Variants in C2orf76 observed in about 807,000 individuals in gnomAD.
The protein encoded by C2orf76 is UPF0538 protein C2orf76.
In C2orf76, 23 loss-of-function variants were observed where a neutral mutation model predicts 16.9. The observed-to-expected ratio is 1.36, with a 90% CI of 0.98 to 1.93. The LOEUF is 1.93. Among genes scored for constraint, C2orf76 ranks in the 30% most tolerant of loss-of-function variants. The pLI, the probability that C2orf76 is intolerant of heterozygous loss-of-function variation, is 0.00. For synonymous variants in C2orf76, 48 were observed against 52.3 expected, an observed-to-expected ratio of 0.92 and a Z score of 0.35; for missense variants, 152 against 152.6, an observed-to-expected ratio of 1.00 and a Z score of 0.02.
At chr2:119,290,865 A>G in the C2orf76 span, among the ~76,000 whole-genome samples, 46 of 152,250 alleles carry the variant, frequency 3.0e-4, 2 homozygotes, top group East Asian at 7.9e-3. Context: ...AATTTTAGGC[A>G]GTAGCAATTG....
At chr2:119,299,082 A>AT (rs79043476), downstream of C2orf76, among the ~76,000 whole-genome samples, 6,775 of 145,752 alleles carry the variant, frequency 0.046, 149 homozygotes, top group South Asian at 0.085. Flanking sequence ...CACCCAGCTA[A>AT]TTTTTTTTTT....
intron 4 of C2orf76, 75 bp downstream of exon 4, chr2:119,317,391 T>G: frequency 1.9e-6 from 2 of 1,075,494 alleles, no homozygotes; most frequent in Non-Finnish European, 2.7e-6. Flanking sequence ...TGTACATGTA[T>G]TCATTCACTT....
At chr2:119,335,477 A>G (rs1679819245) in intron 2 of C2orf76, among the ~76,000 whole-genome samples, 1 of 152,228 alleles carries the variant, frequency 6.6e-6, no homozygotes, top group Admixed American at 6.5e-5. Flanking sequence ...CTGAGGGCAT[A>G]TGTCAGAGGA....
chr2:119,294,759 G>A, the C2orf76 span, among the ~76,000 whole-genome samples: 7 of 152,162 alleles, frequency 4.6e-5, no homozygotes, highest in East Asian at 3.9e-4. Context: ...AGCCATGACC[G>A]ACAGCGTGGC....
At chr2:119,358,701 GC>G (rs1263642185) in intron 1 of C2orf76, among the ~76,000 whole-genome samples, 5 of 152,218 alleles carry the variant, frequency 3.3e-5, no homozygotes, top group Admixed American at 1.3e-4. Context: ...CCAGAGGAAG[GC>G]CCTAACACTC....
chr2:119,330,057 C>T (rs1349293460), intron 2 of C2orf76, among the ~76,000 whole-genome samples: 9 of 152,152 alleles, frequency 5.9e-5, no homozygotes, highest in South Asian at 4.1e-4. Context: ...TTCATGTTGG[C>T]TTCATTCCTT....
chr2:119,346,966 A>G (rs937807973), intron 1 of C2orf76, among the ~76,000 whole-genome samples: 2 of 152,264 alleles, frequency 1.3e-5, no homozygotes, highest in African/African-American at 2.4e-5. Context: ...CTACATCTAC[A>G]TGTGAATCTA....
the C2orf76 span, among the ~76,000 whole-genome samples, chr2:119,288,805 C>T: frequency 9.2e-5 from 14 of 151,928 alleles, no homozygotes; most frequent in Non-Finnish European, 1.2e-4. Context: ...TCAGCTATTC[C>T]CCTCTGAGGA....
chr2:119,365,187 C>T (rs1026374368), intron 1 of C2orf76, among the ~76,000 whole-genome samples: 16 of 152,210 alleles, frequency 1.1e-4, no homozygotes, highest in African/African-American at 3.9e-4. Context: ...AATACCCTAA[C>T]TTAAAACCTG....
chr2:119,303,188 T>C (rs1231744660), intron 5 of C2orf76, among the ~76,000 whole-genome samples: 1 of 152,210 alleles, frequency 6.6e-6, no homozygotes, highest in Non-Finnish European at 1.5e-5. Flanking sequence ...ACAAGGGAGA[T>C]GGCACAGCTA....
At chr2:119,364,327 G>A (rs938871046) in intron 1 of C2orf76, among the ~76,000 whole-genome samples, 2 of 152,230 alleles carry the variant, frequency 1.3e-5, no homozygotes, top group Non-Finnish European at 2.9e-5. Flanking sequence ...CAATTTGGCT[G>A]ACAAGTTGGC....
intron 1 of C2orf76, among the ~76,000 whole-genome samples, chr2:119,340,856 A>T (rs1482387745): frequency 1.3e-5 from 2 of 151,712 alleles, no homozygotes; most frequent in Admixed American, 1.3e-4. Flanking sequence ...CACAGTTGCC[A>T]ATGTTTTTTT....
chr2:119,311,296 C>T (rs773065843), intron 5 of C2orf76: 15 of 985,322 alleles, frequency 1.5e-5, no homozygotes, highest in East Asian at 1.1e-4. Context: ...TCTCTCCAAC[C>T]ATCGGCTCAA....
At chr2:119,304,001 A>G (rs1039291983) in intron 5 of C2orf76, among the ~76,000 whole-genome samples, 3 of 152,206 alleles carry the variant, frequency 2.0e-5, no homozygotes, top group African/African-American at 4.8e-5. Context: ...GTGGCATCTA[A>G]AAGAATGGGT....
At chr2:119,287,133 G>A in the C2orf76 span, among the ~76,000 whole-genome samples, 132 of 152,296 alleles carry the variant, frequency 8.7e-4, 1 homozygote, top group South Asian at 5.0e-3. Flanking sequence ...CCTCACAGGG[G>A]TTGTGAGCAG....
chr2:119,314,614 G>GT (rs1054381050), intron 4 of C2orf76, among the ~76,000 whole-genome samples: 10 of 151,834 alleles, frequency 6.6e-5, no homozygotes, highest in African/African-American at 2.4e-4. Flanking sequence ...AATTACTATC[G>GT]TTTTATAACA....
chr2:119,284,654 T>C, the C2orf76 span, among the ~76,000 whole-genome samples: 1 of 151,314 alleles, frequency 6.6e-6, no homozygotes, highest in African/African-American at 2.4e-5. Flanking sequence ...ACTCTCCATA[T>C]AGTGGGTGGG....
At chr2:119,329,024 C>T (rs1228019309) in intron 2 of C2orf76, among the ~76,000 whole-genome samples, 1 of 152,148 alleles carries the variant, frequency 6.6e-6, no homozygotes, top group African/African-American at 2.4e-5. Context: ...TTCATAAACG[C>T]TCCATGTGCA....
chr2:119,312,208 C>G (rs1382586998), intron 4 of C2orf76, among the ~76,000 whole-genome samples: 1 of 152,202 alleles, frequency 6.6e-6, no homozygotes, highest in Non-Finnish European at 1.5e-5. Flanking sequence ...GCTTCCAGCT[C>G]TGGCCAGTCC....
Sources: allele counts gnomAD v4.1 joint callset (sites outside exome capture counted in the v4.1 genomes callset), GRCh38; gene constraint gnomAD v4.1.1; transcripts MANE v1.5; gene names NCBI Gene and HGNC (gene_info 2026-07-23, HGNC 2026-07-21).